Variants in HMGXB3 observed in about 807,000 individuals in gnomAD.
HMGXB3 encodes the protein HMG-box containing 3.
In HMGXB3, 45 loss-of-function variants were observed where a neutral mutation model predicts 121.5. The observed-to-expected ratio is 0.37, with a 90% CI of 0.29 to 0.47. The LOEUF (loss-of-function observed/expected upper bound fraction) is 0.47. HMGXB3 is among the 20% of genes least tolerant of loss of function. The pLI is 0.99. For missense variants in HMGXB3, 1,376 were observed against 1,602.2 expected (o/e 0.86, Z 2.41); for synonymous variants, 590 against 624.1 (o/e 0.95, Z 0.81).
intron 13 of HMGXB3, among the ~76,000 whole-genome samples, chr5:150,039,245 A>C (rs1756568455): frequency 6.6e-6 from 1 of 152,230 alleles, no homozygotes; most frequent in Non-Finnish European, 1.5e-5. Context: ...AAATTTTGAC[A>C]TGCCTAACAA....
chr5:150,040,926 T>G, intron 14 of HMGXB3, 47 bp downstream of exon 14: 5 of 1,465,860 alleles, frequency 3.4e-6, no homozygotes, highest in Admixed American at 2.8e-5. Flanking sequence ...CTAAGCTCCC[T>G]CGGAATTTTC....
At chr5:150,038,719 G>A (rs981585174) in intron 13 of HMGXB3, among the ~76,000 whole-genome samples, 2 of 152,176 alleles carry the variant, frequency 1.3e-5, no homozygotes, top group African/African-American at 2.4e-5. Context: ...TTTTGAGTCT[G>A]GCTTCTTTCA....
At chr5:150,038,434 T>C (rs1246953981) in intron 13 of HMGXB3, among the ~76,000 whole-genome samples, 1 of 152,236 alleles carries the variant, frequency 6.6e-6, no homozygotes, top group South Asian at 2.1e-4. Flanking sequence ...CTCAGGATTA[T>C]ATATTTATTT....
chr5:150,024,419 T>A lies in HMGXB3; in HGVS notation c.1199T>A (p.Leu400His). The A allele has an allele frequency of 6.4e-7, 1 of 1,551,710 alleles. No individual in the cohort carries two copies. The highest frequency in any genetic ancestry group is 2.0e-5 in the Admixed American group (1 of 50,996). Residue 400 changes from leucine (L) to histidine (H), a missense_variant, in exon 7 of 20, where the codon CTC becomes CAC. By Grantham distance (99) the Leu-to-His change is moderately conservative. Transcript: ENST00000502717. ...GAGAATTCGGAAGCTGTAAGCCAGCTCCTGAACGTAGCTCCTCCCAGAGAA... is the reference window on the plus strand; with the variant it reads ...GAGAATTCGGAAGCTGTAAGCCAGCACCTGAACGTAGCTCCTCCCAGAGAA... ...TLENSEAVSQ[L>H]LNVAPPREVG...
At position 150,036,695 on chromosome 5, in the gene HMGXB3, G is replaced by C. The variant is rs1161052887; in HGVS notation, c.2043G>C (p.Gln681His). 1.9e-6 allele frequency: 3 copies of C among 1,551,060 alleles called. No individual in the cohort carries two copies. Among genetic ancestry groups the C allele is most frequent in the Non-Finnish European group, 2.6e-6 (3 of 1,147,008 alleles). Residue 681 changes from glutamine to histidine, a missense_variant, in exon 12 of 20, where the codon CAG becomes CAC. This residue lies in a region of HMGXB3 where 1,116 missense variants were observed against 1,369.0 expected (regional missense o/e 0.82). Coordinates refer to ENST00000502717, the MANE Select transcript of HMGXB3 (RefSeq NM_014983.3). ...CCACAGAGCCCCTGAGCACAGCCCA[G>C]AGGGAGATCCAGCGCCAGTCCACAC... ...LNATEPLSTA[Q>H]REIQRQSTLQ...
Position 150,004,011 on chromosome 5 carries a change from CT to C in HMGXB3, c.-2-827del, listed in dbSNP as rs538674187. The stretch of plus-strand genomic sequence containing the variant: ...CATTTGCATAGCACTTGACTATTTT[CT>C]TTTTTTTTTTTTAATTAAAAAAGAT... On this transcript the variant is annotated intron_variant, in intron 1 of 19. Coordinates refer to ENST00000502717, the MANE Select transcript of HMGXB3 (RefSeq NM_014983.3). Among the ~76,000 whole-genome samples, 888 of 141,772 alleles carry C rather than the reference CT, an allele frequency of 6.3e-3. 7 individuals carry two copies. The highest frequency in any genetic ancestry group is 0.013 in the African/African-American group (519 of 38,904). The allele number at this position is 141,772 out of a possible 152,430, so 93.0% of individuals were successfully genotyped here. A position where few individuals can be genotyped will look rare whatever the true frequency, so the allele number is the denominator to read the frequency against.
Position 150,026,714 on chromosome 5 carries a change from T to G in HMGXB3, c.1469T>G (p.Leu490Arg). ...CTTCTTATTCTTTTCAGAGCTGACC[T>G]GCTTACCCCTGGGTCCAGAGCTCCA... ...PAPKKPTGAD[L>R]LTPGSRAPEL... The change falls in exon 8 of 20, where the codon CTG (leucine) becomes CGG (arginine). Residue 490 changes from leucine to arginine, a missense_variant. Physicochemically the swap from Leu to Arg is moderately radical, Grantham distance 102. Transcript: ENST00000502717. The G allele has an allele frequency of 6.5e-7, 1 of 1,549,018 alleles. No homozygotes were observed. The highest frequency in any genetic ancestry group is 1.4e-5 in the African/African-American group (1 of 72,828).
In HMGXB3 at chr5:150,027,045, T is replaced by G; in HGVS notation, c.1662T>G (p.Cys554Trp). 1.3e-6 allele frequency: 2 copies of G among 1,551,742 alleles called. No homozygotes were observed. Among genetic ancestry groups the G allele is most frequent in the Non-Finnish European group, 1.7e-6 (2 of 1,146,992 alleles). Residue 554 changes from cysteine (C) to tryptophan (W), a missense_variant, in exon 9 of 20, where the codon TGT (cysteine) becomes TGG (tryptophan). By Grantham distance (215) the Cys-to-Trp change is radical. Around this residue, in one of 2 missense-constraint regions of HMGXB3, gnomAD observed 1,116 missense variants for 1,369.0 expected, o/e 0.82. Transcript: ENST00000502717. ...LSDKTPSVRT[C>W]GLKPSTLKQL... is the part of the protein sequence containing the mutation. ...ATAAGACTCCCTCTGTGAGGACTTG[T>G]GGTCTGAAGCCAAGCACACTGAAGC...
At chr5:150,006,083 A>G (rs1245716509) in intron 2 of HMGXB3, among the ~76,000 whole-genome samples, 2 of 152,122 alleles carry the variant, frequency 1.3e-5, no homozygotes, top group Non-Finnish European at 2.9e-5. Flanking sequence ...TGACTGTAAT[A>G]TAGTGGCTCT....
At chr5:150,046,375 A>T (rs1198072524) in intron 16 of HMGXB3, among the ~76,000 whole-genome samples, 1 of 152,232 alleles carries the variant, frequency 6.6e-6, no homozygotes, top group Non-Finnish European at 1.5e-5. Context: ...AAGTGTGTAT[A>T]ACTGAAACAA....
intron 5 of HMGXB3, among the ~76,000 whole-genome samples, chr5:150,017,264 A>C (rs932664259): frequency 6.6e-6 from 1 of 152,152 alleles, no homozygotes; most frequent in African/African-American, 2.4e-5. Context: ...ACCTATCTTA[A>C]ATTTTTACTC....
At chr5:150,020,113 A>G (rs1185281280) in intron 6 of HMGXB3, among the ~76,000 whole-genome samples, 1 of 152,226 alleles carries the variant, frequency 6.6e-6, no homozygotes. Context: ...GTCAAATAAG[A>G]TTATCCATAT....
chr5:150,037,283 C>A, intron 12 of HMGXB3, 117 bp from the exon 13 acceptor site: 1 of 995,546 alleles, frequency 1.0e-6, no homozygotes, highest in Non-Finnish European at 1.4e-6. Context: ...GAAATACCTA[C>A]CTAGAAAATC....
intron 16 of HMGXB3, chr5:150,047,389 T>G: frequency 2.0e-6 from 1 of 503,090 alleles, no homozygotes; most frequent in East Asian, 3.3e-5. Context: ...TTTAGGGTTT[T>G]TTTCAGTGGC....
intron 9 of HMGXB3, among the ~76,000 whole-genome samples, chr5:150,028,559 A>T (rs998205973): frequency 0.016 from 604 of 38,844 alleles, 9 homozygotes; most frequent in East Asian, 0.071. Context: ...ATATATATAT[A>T]TTTTTTTTTT....
chr5:150,038,266 A>G (rs1756544918), intron 13 of HMGXB3, among the ~76,000 whole-genome samples: 1 of 152,148 alleles, frequency 6.6e-6, no homozygotes, highest in African/African-American at 2.4e-5. Context: ...ATGAAAGTGT[A>G]TTTTTGATGT....
rs571366819 is a variant in HMGXB3 at position 150,029,133 on chromosome 5, T to A, written c.1735-1608T>A. On this transcript the variant is annotated intron_variant, in intron 9 of 19. Transcript: ENST00000502717. ...TGTGCTTTCAGGTCTTTTCCTGAATTTGTGTGTGTTTATTTTTTAATACAG... is the reference window on the plus strand; with the variant it reads ...TGTGCTTTCAGGTCTTTTCCTGAATATGTGTGTGTTTATTTTTTAATACAG... 3.1e-3 allele frequency among the ~76,000 whole-genome samples: 467 copies of A among 152,208 alleles called. 4 individuals carry two copies. In the Middle Eastern group the frequency reaches 0.048, roughly 16 times the overall value.
chr5:150,008,054 T>TTC (rs201770841), intron 3 of HMGXB3, among the ~76,000 whole-genome samples: 20,649 of 107,976 alleles, frequency 0.19, 1,948 homozygotes, highest in African/African-American at 0.36. Flanking sequence ...GAGACTCTGT[T>TTC]TCACACACAC....
At chr5:150,002,064 G>A (rs1042543858) in intron 1 of HMGXB3, among the ~76,000 whole-genome samples, 2 of 152,114 alleles carry the variant, frequency 1.3e-5, no homozygotes, top group African/African-American at 4.8e-5. Context: ...TAGAATGTAG[G>A]TTTTTGTTTT....
Sources: allele counts gnomAD v4.1 joint callset (sites outside exome capture counted in the v4.1 genomes callset), GRCh38; gene constraint gnomAD v4.1.1; regional missense constraint gnomAD v4.1.1; transcripts MANE v1.5; gene names NCBI Gene and HGNC (gene_info 2026-07-23, HGNC 2026-07-21).